Variants in AKAP11 observed in about 807,000 individuals in gnomAD.
AKAP11 encodes A-kinase anchor protein 11.
AKAP11 carries 36 observed loss-of-function variants against 146.1 expected under a neutral mutation model. That is an observed-to-expected ratio of 0.25 (90% CI 0.19 to 0.33). The LOEUF is 0.33. Among genes scored for constraint, AKAP11 ranks in the 10% least tolerant of loss-of-function variants. The probability of loss-of-function intolerance (pLI) is 1.00; values close to 1 mark genes in which losing one functional copy is unlikely to be tolerated. For missense variants in AKAP11, 2,201 were observed against 2,197.0 expected (o/e 1.00, Z -0.04); for synonymous variants, 780 against 786.5 (o/e 0.99, Z 0.14).
intron 1 of AKAP11, among the ~76,000 whole-genome samples, chr13:42,277,370 C>T (rs982848946): frequency 1.3e-5 from 2 of 152,118 alleles, no homozygotes; most frequent in Admixed American, 6.6e-5. Flanking sequence ...AACAATGGAC[C>T]GTTGCATGTT....
Position 42,303,724 on chromosome 13 carries a change from G to C in AKAP11, c.4978G>C (p.Glu1660Gln), listed in dbSNP as rs1191075092. ...LAEKIVAEAI[E>Q]KAERELSSTS... ...TGAGAAGATAGTTGCTGAAGCCATT[G>C]AAAAAGCTGAGCGAGAGCTGAGCAG... Residue 1660 changes from glutamate to glutamine, a missense_variant, in exon 8 of 13, where the codon GAA (glutamate) becomes CAA (glutamine). By Grantham distance (29) the Glu-to-Gln change is conservative. Transcript: ENST00000025301. The C allele has an allele frequency of 1.2e-6, 2 of 1,614,004 alleles. No individual in the cohort carries two copies. The highest frequency in any genetic ancestry group is 8.5e-7 in the Non-Finnish European group (1 of 1,180,026).
intron 3 of AKAP11, among the ~76,000 whole-genome samples, chr13:42,290,172 A>G (rs759108981): frequency 1.3e-5 from 2 of 152,154 alleles, no homozygotes; most frequent in Non-Finnish European, 2.9e-5. Flanking sequence ...GACCATTCCA[A>G]TAGTCTAAAT....
At chr13:42,278,193 A>AATG in intron 1 of AKAP11, among the ~76,000 whole-genome samples, 1 of 152,204 alleles carries the variant, frequency 6.6e-6, no homozygotes, top group East Asian at 1.9e-4. Context: ...TGAATGCAGG[A>AATG]ATGAGGTTGA....
At position 42,303,872 on chromosome 13, in the gene AKAP11, C is replaced by T; in HGVS notation, c.5117+9C>T. The T allele has an allele frequency of 6.4e-7, 1 of 1,554,664 alleles. No homozygotes were observed. Among genetic ancestry groups the T allele is most frequent in the Non-Finnish European group, 8.7e-7 (1 of 1,154,092 alleles). On this transcript the variant is annotated intron_variant, in intron 8 of 12. Transcript: ENST00000025301. The stretch of plus-strand genomic sequence containing the variant: ...GGGCATGCTGTTAGCAGGTAAGTTT[C>T]ACGTTTCTTTTGGTTGTTAATGATA...
chr13:42,307,852 C>G (rs1487834249), intron 8 of AKAP11, among the ~76,000 whole-genome samples: 1 of 152,088 alleles, frequency 6.6e-6, no homozygotes, highest in Non-Finnish European at 1.5e-5. Flanking sequence ...CTTTGAACTA[C>G]TTTGTTGAAC....
intron 9 of AKAP11, 76 bp from the exon 10 acceptor site, chr13:42,312,971 A>G: frequency 8.2e-7 from 1 of 1,223,996 alleles, no homozygotes; most frequent in Non-Finnish European, 1.2e-6. Context: ...CAAGGACAGA[A>G]GCTGTTCCGA....
chr13:42,305,159 T>TAC, intron 8 of AKAP11, among the ~76,000 whole-genome samples: 1 of 152,368 alleles, frequency 6.6e-6, no homozygotes, highest in Non-Finnish European at 1.5e-5. Flanking sequence ...GATAGGATGA[T>TAC]ATTTGTAAGT....
chr13:42,301,706 A>C lies in AKAP11; in HGVS notation c.2960A>C (p.Lys987Thr). 1 of 1,614,076 alleles carries C rather than the reference A, an allele frequency of 6.2e-7. No homozygotes were observed. The highest frequency in any genetic ancestry group is 1.3e-5 in the African/African-American group (1 of 74,998). The stretch of plus-strand genomic sequence containing the variant: ...CAGTTGACACCAGAAAAGTCTCCCA[A>C]ATTTCCTGACTCTCAGAATCAGTTA... Reference protein sequence around the residue: ...ESQLTPEKSPKFPDSQNQLTH... With the variant: ...ESQLTPEKSPTFPDSQNQLTH... Residue 987 changes from lysine (K) to threonine (T), a missense_variant, in exon 8 of 13, where the codon AAA becomes ACA. Lys to Thr is a moderately conservative substitution (Grantham distance 78, BLOSUM62 -1). Around this residue, in one of 3 missense-constraint regions of AKAP11, gnomAD observed 1,867 missense variants for 1,833.5 expected, o/e 1.02. Coordinates refer to ENST00000025301, the MANE Select transcript of AKAP11 (RefSeq NM_016248.4).
In AKAP11 at chr13:42,302,015, A is replaced by G; in HGVS notation, c.3269A>G (p.Lys1090Arg). Reference protein sequence around the residue: ...VDGLHVEDKQKVRDRNVIPDT... With the variant: ...VDGLHVEDKQRVRDRNVIPDT... ...GGTTTGCATGTGGAAGATAAACAGAAAGTCAGAGACAGAAATGTAATACCT... is the reference window on the plus strand; with the variant it reads ...GGTTTGCATGTGGAAGATAAACAGAGAGTCAGAGACAGAAATGTAATACCT... Residue 1090 changes from lysine to arginine, a missense_variant, in exon 8 of 13, where the codon AAA becomes AGA. Physicochemically the swap from Lys to Arg is conservative, Grantham distance 26. Coordinates refer to ENST00000025301, the MANE Select transcript of AKAP11 (RefSeq NM_016248.4). 1 of 1,614,138 alleles carries G rather than the reference A, an allele frequency of 6.2e-7. No individual in the cohort carries two copies. The highest frequency in any genetic ancestry group is 1.1e-5 in the South Asian group (1 of 91,076).
chr13:42,310,590 C>A (rs115216631), intron 9 of AKAP11, among the ~76,000 whole-genome samples: 1 of 152,116 alleles, frequency 6.6e-6, no homozygotes, highest in Non-Finnish European at 1.5e-5. Flanking sequence ...CGGTGATTCA[C>A]GCCTGTAATC....
At chr13:42,305,028 G>A (rs781147097) in intron 8 of AKAP11, among the ~76,000 whole-genome samples, 2 of 152,148 alleles carry the variant, frequency 1.3e-5, no homozygotes, top group Non-Finnish European at 2.9e-5. Context: ...TGGGATCACA[G>A]GCGTGAGCCA....
Position 42,300,479 on chromosome 13 carries a change from A to G in AKAP11, c.1733A>G (p.Asn578Ser), listed in dbSNP as rs147393451. ...DLQKGVSSCT[N>S]ALYHLAIKLT... ...CAGAAAGGAGTCTCTTCATGTACCAATGCTTTGTACCACTTAGCCATCAAA... is the reference window on the plus strand; with the variant it reads ...CAGAAAGGAGTCTCTTCATGTACCAGTGCTTTGTACCACTTAGCCATCAAA... The change falls in exon 8 of 13, where the codon AAT becomes AGT. Residue 578 changes from asparagine to serine, a missense_variant. Asn to Ser is a conservative substitution (Grantham distance 46, BLOSUM62 1). Around this residue, in one of 3 missense-constraint regions of AKAP11, gnomAD observed 1,867 missense variants for 1,833.5 expected, o/e 1.02. Transcript: ENST00000025301. 4.2e-5 allele frequency: 68 copies of G among 1,614,090 alleles called. No individual in the cohort carries two copies. The African/African-American group carries it at 5.9e-4, about 14-fold the overall frequency.
In AKAP11 at chr13:42,301,797, A is replaced by C. The variant is rs577147624; in HGVS notation, c.3051A>C (p.Gly1017=). The stretch of plus-strand genomic sequence containing the variant: ...AATGTAAAGTTTCTATGGTTCATGG[A>C]TCCTCCCTAGAGACACTGCCATCTT... The part of the protein sequence containing the change: ...VPECKVSMVH[G]SSLETLPSCP... The change falls in exon 8 of 13, where the codon GGA becomes GGC. Residue 1017 remains glycine, a synonymous_variant. Coordinates refer to ENST00000025301, the MANE Select transcript of AKAP11 (RefSeq NM_016248.4). 4.3e-6 allele frequency: 7 copies of C among 1,614,132 alleles called. No individual in the cohort carries two copies. The South Asian group carries it at 7.7e-5, about 18-fold the overall frequency.
rs371694607 is a variant in AKAP11 at position 42,304,189 on chromosome 13, TC to T, written c.5117+332del. On this transcript the variant is annotated intron_variant, in intron 8 of 12. Transcript: ENST00000025301. ...ATAGCTAGAGAATTTTATATAGTAG[TC>T]CCCCCTTATTCTCAATTTTGCTTTC... 8.4e-4 allele frequency among the ~76,000 whole-genome samples: 128 copies of T among 152,262 alleles called. 1 individual carries two copies. The South Asian group carries it at 0.025, about 30-fold the overall frequency.
intron 4 of AKAP11, among the ~76,000 whole-genome samples, chr13:42,292,888 G>A (rs1386389217): frequency 6.6e-6 from 1 of 151,538 alleles, no homozygotes; most frequent in Admixed American, 6.6e-5. Flanking sequence ...TTTCTTGACT[G>A]TTTAAATTCA....
rs921075477 is a variant in AKAP11, at chr13:42,320,658, A to G, written c.*1430A>G. Reference sequence around the variant, plus strand: ...ACTACTGGATTTTGTAATCTAGGATAAATCACTTTTTTTGGGGACTTTGAT... The same window carrying G: ...ACTACTGGATTTTGTAATCTAGGATGAATCACTTTTTTTGGGGACTTTGAT... On this transcript the variant is annotated 3_prime_UTR_variant, in exon 13 of 13. Coordinates refer to ENST00000025301, the MANE Select transcript of AKAP11 (RefSeq NM_016248.4). 1 of 152,026 alleles carries G rather than the reference A, an allele frequency of 6.6e-6. No individual in the cohort carries two copies. Among genetic ancestry groups the G allele is most frequent in the Non-Finnish European group, 1.5e-5 (1 of 68,014 alleles). 9.4% of individuals were successfully genotyped at this position (152,026 alleles called of 1,614,324 possible).
In AKAP11 at chr13:42,300,977, C is replaced by T. The variant is rs1285402585; in HGVS notation, c.2231C>T (p.Pro744Leu). 3 of 1,614,002 alleles carry T rather than the reference C, an allele frequency of 1.9e-6. No homozygotes were observed. The highest frequency in any genetic ancestry group is 1.7e-5 in the Admixed American group (1 of 59,994). The change falls in exon 8 of 13, where the codon CCT (proline) becomes CTT (leucine). Residue 744 changes from proline to leucine, a missense_variant. Physicochemically the swap from Pro to Leu is moderately conservative, Grantham distance 98. This residue lies in a region of AKAP11 where 1,867 missense variants were observed against 1,833.5 expected (regional missense o/e 1.02). Transcript: ENST00000025301. The part of the protein sequence containing the change: ...VPSTQAVTFS[P>L]SFHNQAIMVT... ...TCGACACAGGCTGTCACGTTTTCCC[C>T]TTCTTTTCACAATCAAGCAATTATG... is the stretch of plus-strand genomic sequence containing the variant.
At chr13:42,319,050 T>G in intron 12 of AKAP11, 38 bp from the exon 13 acceptor site, 1 of 1,584,546 alleles carries the variant, frequency 6.3e-7, no homozygotes, top group Non-Finnish European at 8.6e-7. Context: ...GTTATAAAAT[T>G]GTTTTTGGTT....
chr13:42,301,266 A>C lies in AKAP11; in HGVS notation c.2520A>C (p.Ser840=). The part of the protein sequence containing the change: ...AACLRNICLP[S]EHNPGNQNDF... ...GTCTCAGAAATATTTGTTTACCTTC[A>C]GAACACAATCCAGGTAATCAGAATG... The change falls in exon 8 of 13, where the codon TCA becomes TCC. Residue 840 remains serine, a synonymous_variant. Coordinates refer to ENST00000025301, the MANE Select transcript of AKAP11 (RefSeq NM_016248.4). The C allele has an allele frequency of 3.7e-6, 6 of 1,613,962 alleles. No individual in the cohort carries two copies. The highest frequency in any genetic ancestry group is 5.1e-6 in the Non-Finnish European group (6 of 1,179,952).
Sources: allele counts gnomAD v4.1 joint callset (sites outside exome capture counted in the v4.1 genomes callset), GRCh38; gene constraint gnomAD v4.1.1; regional missense constraint gnomAD v4.1.1; transcripts MANE v1.5; gene names NCBI Gene and HGNC (gene_info 2026-07-23, HGNC 2026-07-21).